GPHN: variants seen among roughly 807,000 people sequenced by gnomAD.
GPHN encodes gephyrin.
In GPHN, 17 loss-of-function variants were observed where a neutral mutation model predicts 95.5. That is an observed-to-expected ratio of 0.18 (90% CI 0.12 to 0.27). The LOEUF (loss-of-function observed/expected upper bound fraction) is 0.27, where lower values mean the gene tolerates loss of function less well. Among genes scored for constraint, GPHN ranks in the 10% least tolerant of loss-of-function variants. The pLI is 1.00. For synonymous variants in GPHN, 320 were observed against 322.5 expected, an observed-to-expected ratio of 0.99 and a Z score of 0.08; for missense variants, 660 against 978.1, an observed-to-expected ratio of 0.67 and a Z score of 4.34.
intron 4 of GPHN, among the ~76,000 whole-genome samples, chr14:66,831,781 A>G (rs2061589867): frequency 6.6e-6 from 1 of 152,212 alleles, no homozygotes; most frequent in South Asian, 2.1e-4. Context: ...AATAACAACT[A>G]ACACTTACAT....
chr14:67,678,070 G>A, the GPHN span: 1 of 385,066 alleles, frequency 2.6e-6, no homozygotes. Context: ...GGTCATATGA[G>A]GGTCTTCTTA....
intron 17 of GPHN, among the ~76,000 whole-genome samples, chr14:67,124,252 G>T (rs2079172837): frequency 6.6e-6 from 1 of 151,824 alleles, no homozygotes; most frequent in African/African-American, 2.4e-5. Context: ...CTAAAAATAT[G>T]AAAATTAGCT....
At chr14:67,020,389 T>A (rs1198082424) in intron 9 of GPHN, among the ~76,000 whole-genome samples, 2 of 152,158 alleles carry the variant, frequency 1.3e-5, no homozygotes, top group African/African-American at 4.8e-5. Flanking sequence ...ATAAGGTAAG[T>A]GATTTCTCTA....
At chr14:66,719,342 G>A (rs1179426119) in intron 2 of GPHN, among the ~76,000 whole-genome samples, 1 of 152,074 alleles carries the variant, frequency 6.6e-6, no homozygotes, top group South Asian at 2.1e-4. Context: ...TATTTCGCTT[G>A]GCTGTCTAAA....
At chr14:66,830,522 G>A (rs768774438) in intron 4 of GPHN, among the ~76,000 whole-genome samples, 11 of 152,054 alleles carry the variant, frequency 7.2e-5, no homozygotes, top group Admixed American at 2.0e-4. Flanking sequence ...CATAACAAAA[G>A]TATGCTGATA....
In GPHN at chr14:67,042,184, T is replaced by C. The variant is rs150137494; in HGVS notation, c.1007-16465T>C. ...TAGGTTGCCTGTTCACTCTTTTTAG[T>C]TTCTAAATTTTTTAGTTTCTTTTGC... is the stretch of plus-strand genomic sequence containing the variant. On this transcript the variant is annotated intron_variant, in intron 10 of 22. Coordinates refer to ENST00000478722, the MANE Select transcript of GPHN (RefSeq NM_020806.5). Among the ~76,000 whole-genome samples, 118 of 152,078 alleles carry C rather than the reference T, an allele frequency of 7.8e-4. 1 individual carries two copies. The highest frequency in any genetic ancestry group is 7.3e-3 in the Admixed American group (111 of 15,266).
intron 2 of GPHN, among the ~76,000 whole-genome samples, chr14:66,762,073 A>G (rs1248557346): frequency 6.6e-6 from 1 of 152,124 alleles, no homozygotes; most frequent in African/African-American, 2.4e-5. Context: ...GTTTTTGGAA[A>G]GTAGAATTTA....
the GPHN span, among the ~76,000 whole-genome samples, chr14:67,600,649 G>C: frequency 6.6e-6 from 1 of 151,992 alleles, no homozygotes; most frequent in Non-Finnish European, 1.5e-5. Context: ...GCGCGACGTC[G>C]GCTCACTGCA....
the GPHN span, among the ~76,000 whole-genome samples, chr14:67,610,200 AT>A: frequency 2.0e-5 from 3 of 152,204 alleles, no homozygotes; most frequent in African/African-American, 7.2e-5. Flanking sequence ...CCTTTGCAGA[AT>A]TTTAAGTAAT....
intron 1 of GPHN, among the ~76,000 whole-genome samples, chr14:66,638,524 G>C (rs951622820): frequency 1.4e-4 from 22 of 152,140 alleles, no homozygotes; most frequent in African/African-American, 4.1e-4. Flanking sequence ...ATCTAGAAGA[G>C]TAGTGCAGTA....
chr14:66,684,763 TCTTATA>T (rs1216209701), intron 2 of GPHN, among the ~76,000 whole-genome samples: 1 of 151,954 alleles, frequency 6.6e-6, no homozygotes, highest in African/African-American at 2.4e-5. Context: ...TTTTTTTTCT[TCTTATA>T]CTTTAAGTTC....
chr14:66,651,131 C>T (rs189720306), intron 1 of GPHN, among the ~76,000 whole-genome samples: 133 of 152,184 alleles, frequency 8.7e-4, no homozygotes, highest in African/African-American at 3.0e-3. Context: ...TTACAAGAGC[C>T]GCTTCAGAGA....
intron 3 of GPHN, among the ~76,000 whole-genome samples, chr14:66,807,034 A>G (rs1483977009): frequency 6.6e-6 from 1 of 152,244 alleles, no homozygotes; most frequent in African/African-American, 2.4e-5. Context: ...AACATTAAAA[A>G]AAGAGAGACG....
At chr14:66,656,981 A>G (rs528282201) in intron 1 of GPHN, among the ~76,000 whole-genome samples, 9 of 152,348 alleles carry the variant, frequency 5.9e-5, no homozygotes, top group Admixed American at 2.6e-4. Context: ...TGAGAAAGGC[A>G]TGTCACAAGC....
chr14:66,685,263 C>A (rs2067267939), intron 2 of GPHN, among the ~76,000 whole-genome samples: 1 of 152,124 alleles, frequency 6.6e-6, no homozygotes, highest in Non-Finnish European at 1.5e-5. Flanking sequence ...TGGGTATATA[C>A]CCAGTAATGG....
At chr14:67,719,770 G>A in the GPHN span, among the ~76,000 whole-genome samples, 4 of 152,086 alleles carry the variant, frequency 2.6e-5, no homozygotes, top group African/African-American at 4.8e-5. Context: ...AAGCCACAGT[G>A]CCCAACCAAA....
chr14:67,542,488 C>A, the GPHN span, among the ~76,000 whole-genome samples: 1 of 152,150 alleles, frequency 6.6e-6, no homozygotes, highest in Non-Finnish European at 1.5e-5. Context: ...AGTCCCTTCA[C>A]CTCTAAGGCA....
At chr14:66,725,125 C>A (rs1042021064) in intron 2 of GPHN, among the ~76,000 whole-genome samples, 3 of 152,178 alleles carry the variant, frequency 2.0e-5, no homozygotes, top group Non-Finnish European at 4.4e-5. Flanking sequence ...CTCATGACAA[C>A]ACTGCAAGAA....
chr14:67,143,747 A>G (rs1380957813), intron 18 of GPHN, among the ~76,000 whole-genome samples: 2 of 152,112 alleles, frequency 1.3e-5, no homozygotes, highest in African/African-American at 4.8e-5. Flanking sequence ...TCCTTTATGC[A>G]TGATATTTAC....
Sources: allele counts gnomAD v4.1 joint callset (sites outside exome capture counted in the v4.1 genomes callset), GRCh38; gene constraint gnomAD v4.1.1; transcripts MANE v1.5; gene names NCBI Gene and HGNC (gene_info 2026-07-23, HGNC 2026-07-21).